SMURF1: variants seen among roughly 807,000 people sequenced by gnomAD.
SMURF1 encodes SMAD specific E3 ubiquitin protein ligase 1.
SMURF1 carries 44 observed loss-of-function variants against 98.0 expected under a neutral mutation model. The observed-to-expected ratio is 0.45, with a 90% CI of 0.35 to 0.58. The LOEUF is 0.58. SMURF1 is among the 20% of genes least tolerant of loss of function. SMURF1 has a pLI of 0.00. For synonymous variants in SMURF1, 396 were observed against 374.9 expected (o/e 1.06, Z -0.65); for missense variants, 687 against 938.4 (o/e 0.73, Z 3.50).
chr7:99,054,987 G>T, intron 5 of SMURF1, 122 bp from the exon 6 acceptor site: 1 of 795,660 alleles, frequency 1.3e-6, no homozygotes, highest in Non-Finnish European at 2.1e-6. Flanking sequence ...ATATGTGTAT[G>T]CATACACACA....
chr7:99,143,753 C>T lies in SMURF1; in HGVS notation c.28G>A (p.Gly10Ser). The change falls in exon 1 of 18, where the codon GGC becomes AGC. Residue 10 changes from glycine (G) to serine (S), a missense_variant. Physicochemically the swap from Gly to Ser is moderately conservative, Grantham distance 56 (BLOSUM62 0). Transcript: ENST00000361368. ...GTCAGACGGATCTTGATGCTGGAGC[C>T]GTTCCTGCGTGTCCCGGGGTTCGAC... MSNPGTRRN[G>S]SSIKIRLTVL... 1 of 1,557,318 alleles carries T rather than the reference C, an allele frequency of 6.4e-7. No homozygotes were observed.
chr7:99,036,016 A>G (rs1047026226), intron 15 of SMURF1: 4 of 422,186 alleles, frequency 9.5e-6, no homozygotes, highest in African/African-American at 8.1e-5. Context: ...AGTATCAAAG[A>G]ACCAACCGGT....
intron 7 of SMURF1, 31 bp downstream of exon 7, chr7:99,052,174 G>A: frequency 6.7e-7 from 1 of 1,489,486 alleles, no homozygotes; most frequent in Non-Finnish European, 8.9e-7. Context: ...AGGGCAGATG[G>A]CATTGGCCAC....
chr7:99,142,540 C>A (rs1354671564), intron 1 of SMURF1, among the ~76,000 whole-genome samples: 1 of 149,418 alleles, frequency 6.7e-6, no homozygotes, highest in African/African-American at 2.5e-5. Context: ...GGGTGGAGGC[C>A]TCGCCAGACA....
intron 8 of SMURF1, chr7:99,051,089 G>A (rs2150526182): frequency 3.4e-6 from 4 of 1,192,844 alleles, no homozygotes; most frequent in Non-Finnish European, 4.8e-6. Flanking sequence ...ATATAAAAAA[G>A]TTAGTGATCA....
intron 1 of SMURF1, among the ~76,000 whole-genome samples, chr7:99,081,743 C>G (rs1796581146): frequency 6.6e-6 from 1 of 152,212 alleles, no homozygotes; most frequent in Non-Finnish European, 1.5e-5. Context: ...ATCTCTGCCT[C>G]CCAGGTTCAA....
At chr7:99,070,185 G>A (rs1354962523) in intron 1 of SMURF1, among the ~76,000 whole-genome samples, 4 of 152,212 alleles carry the variant, frequency 2.6e-5, no homozygotes, top group Non-Finnish European at 1.5e-5. Flanking sequence ...CAGAGCTGTT[G>A]TGGCAAAAAC....
In SMURF1 at chr7:99,052,428, G is replaced by T. The variant is rs219797; in HGVS notation, c.498C>A (p.Ser166=). The T allele has an allele frequency of 4.9e-4, 782 of 1,580,132 alleles. 5 individuals are homozygous for T. The African/African-American group carries it at 8.3e-3, about 17-fold the overall frequency. ...AGCAGCTGAGCGGCCTCCCAGGCCC[G>T]GAGTCTTCATACACCGTTCTGAAAG... ...LENEGTVYED[S]GPGRPLSCFM... is the part of the protein sequence containing the mutation. The change falls in exon 7 of 18, where the codon TCC becomes TCA. Residue 166 remains serine (S), a synonymous_variant. Coordinates refer to ENST00000361368, the MANE Select transcript of SMURF1 (RefSeq NM_181349.3).
intron 1 of SMURF1, among the ~76,000 whole-genome samples, chr7:99,094,912 C>G (rs575310507): frequency 6.6e-6 from 1 of 152,276 alleles, no homozygotes; most frequent in East Asian, 1.9e-4. Flanking sequence ...CAGCCAGAGG[C>G]TCCCTCAGTT....
intron 1 of SMURF1, among the ~76,000 whole-genome samples, chr7:99,097,435 T>C (rs772367432): frequency 4.6e-5 from 7 of 152,146 alleles, no homozygotes; most frequent in Non-Finnish European, 1.0e-4. Flanking sequence ...ATGGGAGATA[T>C]TTAGGTCATG....
intron 3 of SMURF1, among the ~76,000 whole-genome samples, chr7:99,059,417 TAAAATAAAATA>T (rs1795974689): frequency 8.2e-5 from 3 of 36,674 alleles, no homozygotes; most frequent in South Asian, 1.2e-3. Flanking sequence ...TAAAATAAAA[TAAAATAAAATA>T]AAATAAAATA....
rs909629078 is a variant in SMURF1 at position 99,047,753 on chromosome 7, G to A, written c.1083C>T (p.His361=). ...CTTGGGGCTGCTGAAGCGACAGTTC[G>A]TGTCTGAGGACTTTCAGCTTCTGGA... ...DLVQKLKVLR[H]ELSLQQPQAG... is the part of the protein sequence containing the mutation. Residue 361 remains histidine, a synonymous_variant, in exon 10 of 18, where the codon CAC becomes CAT. Transcript: ENST00000361368. 23 of 1,614,114 alleles carry A rather than the reference G, an allele frequency of 1.4e-5. No individual in the cohort carries two copies. The highest frequency in any genetic ancestry group is 4.4e-5 in the South Asian group (4 of 91,086).
intron 14 of SMURF1, 54 bp from the exon 15 acceptor site, chr7:99,037,241 G>C (rs1795180065): frequency 1.9e-6 from 3 of 1,610,794 alleles, no homozygotes; most frequent in African/African-American, 1.3e-5. Context: ...TTCCGCCATG[G>C]GCAGGTTTTT....
At chr7:99,138,469 T>C (rs937455468) in intron 1 of SMURF1, among the ~76,000 whole-genome samples, 1 of 152,208 alleles carries the variant, frequency 6.6e-6, no homozygotes, top group Non-Finnish European at 1.5e-5. Context: ...AACCTTTCTT[T>C]CACCCAATTT....
chr7:99,035,797 A>G (rs1265517444), intron 15 of SMURF1, 81 bp from the exon 16 acceptor site: 22 of 1,384,814 alleles, frequency 1.6e-5, no homozygotes, highest in Non-Finnish European at 2.0e-5. Flanking sequence ...CCCGACACAC[A>G]ACAGTGAAAA....
chr7:99,121,876 G>A (rs540488747), intron 1 of SMURF1, among the ~76,000 whole-genome samples: 1 of 152,230 alleles, frequency 6.6e-6, no homozygotes, highest in Admixed American at 6.5e-5. Flanking sequence ...TTGTTCCAAC[G>A]AGCTGCCAAC....
At chr7:99,075,205 A>C (rs979131721) in intron 1 of SMURF1, among the ~76,000 whole-genome samples, 5 of 152,160 alleles carry the variant, frequency 3.3e-5, no homozygotes, top group East Asian at 1.9e-4. Context: ...TGCAGCCTCA[A>C]CCTCCCAGGT....
intron 1 of SMURF1, among the ~76,000 whole-genome samples, chr7:99,142,111 G>A (rs1798132172): frequency 6.6e-6 from 1 of 151,872 alleles, no homozygotes; most frequent in African/African-American, 2.4e-5. Flanking sequence ...CTGGAGCCCG[G>A]GGGGAAACAG....
At chr7:99,050,929 A>G (rs904000758) in intron 8 of SMURF1, 2 of 1,550,742 alleles carry the variant, frequency 1.3e-6, no homozygotes, top group South Asian at 1.2e-5. Context: ...GCTCAGATGT[A>G]TGGCCTTGTA....
Sources: gnomAD v4.1 joint callset for allele counts (sites outside exome capture counted in the v4.1 genomes callset) on GRCh38, gnomAD v4.1.1 for gene constraint, MANE v1.5 for transcripts, NCBI Gene and HGNC (gene_info 2026-07-23, HGNC 2026-07-21) for gene names.